Variants in FAIM2 observed in about 807,000 individuals in gnomAD.
FAIM2 encodes the protein Fas apoptotic inhibitory molecule 2.
A neutral mutation model predicts 47.4 loss-of-function variants in FAIM2; 27 were observed. The ratio of observed to expected loss-of-function variants is 0.57; its 90% CI spans 0.42 to 0.78. The LOEUF (loss-of-function observed/expected upper bound fraction) is 0.78. Among genes scored for constraint, FAIM2 ranks in the 30% least tolerant of loss-of-function variants. The pLI, the probability that FAIM2 is intolerant of heterozygous loss-of-function variation, is 0.00. For missense variants in FAIM2, 311 were observed against 389.4 expected (o/e 0.80, Z 1.69); for synonymous variants, 156 against 159.3 (o/e 0.98, Z 0.16).
chr12:49,900,343 G>A (rs1023270744), intron 2 of FAIM2: 5 of 548,550 alleles, frequency 9.1e-6, no homozygotes, highest in Non-Finnish European at 1.4e-5. Flanking sequence ...AGAGGGGGAG[G>A]GGCTGCTGAG....
chr12:49,887,988 C>T lies in FAIM2; in HGVS notation c.748-549G>A, dbSNP rs1022009912. ...AGCACAGGCTGGAACAGCACCTCCC[C>T]ACTCTCTGCCCCCTGAGTCTTCCTC... On this transcript the variant is annotated intron_variant, in intron 10 of 11. Transcript: ENST00000320634. Among the ~76,000 whole-genome samples the T allele has an allele frequency of 6.6e-5, 10 of 152,304 alleles. No individual in the cohort carries two copies. The East Asian group carries it at 1.9e-3, about 29-fold the overall frequency.
chr12:49,880,507 A>T (rs56318352), intron 11 of FAIM2, among the ~76,000 whole-genome samples: 572 of 34,604 alleles, frequency 0.017, 1 homozygote, highest in African/African-American at 0.047. Context: ...TGTGTGTATG[A>T]GTGTGTATGT....
rs116578244 is a variant in FAIM2 at position 49,877,767 on chromosome 12, T to C, written c.802-7114A>G. On this transcript the variant is annotated intron_variant, in intron 11 of 11. Transcript: ENST00000320634. ...CTGTATATATACGTGTGTATGTGCG[T>C]ATGTATATGTGTGTGCATGTGTATA... is the stretch of plus-strand genomic sequence containing the variant. Among the ~76,000 whole-genome samples, 489 of 152,168 alleles carry C rather than the reference T, an allele frequency of 3.2e-3. 4 individuals carry two copies. The highest frequency in any genetic ancestry group is 0.011 in the African/African-American group (464 of 41,470).
intron 10 of FAIM2, 86 bp from the exon 11 acceptor site, chr12:49,887,525 G>A (rs137990093): frequency 3.3e-4 from 391 of 1,179,206 alleles, no homozygotes; most frequent in Non-Finnish European, 4.5e-4. Flanking sequence ...CCAGAGAATG[G>A]AGGACACGGG....
intron 5 of FAIM2, among the ~76,000 whole-genome samples, chr12:49,892,598 A>G (rs1337504077): frequency 1.3e-5 from 2 of 152,040 alleles, no homozygotes. Flanking sequence ...CTGGTTCCAC[A>G]TGACCCCTGG....
chr12:49,878,855 TG>T lies in FAIM2; in HGVS notation c.802-8203del. Among the ~76,000 whole-genome samples, 2 of 25,200 alleles carry T rather than the reference TG, an allele frequency of 7.9e-5. 1 individual carries two copies. Among genetic ancestry groups the T allele is most frequent in the Non-Finnish European group, 1.4e-4 (2 of 13,818 alleles). 16.5% of individuals were successfully genotyped at this position (25,200 alleles called of 152,430 possible). ...GTGTATGTGTGTGCATGTGTGTATGTGTGTGTCTGTGCATGTGAGTGTGTAT... is the reference window on the plus strand; with the variant it reads ...GTGTATGTGTGTGCATGTGTGTATGTTGTGTCTGTGCATGTGAGTGTGTAT... On this transcript the variant is annotated intron_variant, in intron 11 of 11. Coordinates refer to ENST00000320634, the MANE Select transcript of FAIM2 (RefSeq NM_012306.4).
chr12:49,872,372 G>GGGGAA (rs1387896963), intron 11 of FAIM2, among the ~76,000 whole-genome samples: 1 of 152,182 alleles, frequency 6.6e-6, no homozygotes, highest in African/African-American at 2.4e-5. Flanking sequence ...TGTGAAGAGT[G>GGGGAA]GGGAACTCGG....
At chr12:49,892,233 C>T (rs1946905141) in intron 5 of FAIM2, among the ~76,000 whole-genome samples, 1 of 152,208 alleles carries the variant, frequency 6.6e-6, no homozygotes. Flanking sequence ...TCCCTCCTCC[C>T]GTCCCAGGCC....
chr12:49,903,786 G>C lies in FAIM2; in HGVS notation c.7C>G (p.Gln3Glu). The C allele has an allele frequency of 6.5e-7, 1 of 1,547,618 alleles. No homozygotes were observed. Among genetic ancestry groups the C allele is most frequent in the Non-Finnish European group, 8.7e-7 (1 of 1,145,356 alleles). The stretch of plus-strand genomic sequence containing the variant: ...TGGGGAGATGCCGGTACCTTTCCCT[G>C]GGTCATGGTGCCGTCTCTCGGGGAA... MT[Q>E]GKLSVANKAP... is the part of the protein sequence containing the mutation. Residue 3 changes from glutamine (Q) to glutamate (E), a missense_variant, in exon 1 of 12, where the codon CAG (glutamine) becomes GAG (glutamate). Coordinates refer to ENST00000320634, the MANE Select transcript of FAIM2 (RefSeq NM_012306.4).
In FAIM2 at chr12:49,902,557, GT is replaced by G. The variant is rs563607910; in HGVS notation, c.15+1220del. On this transcript the variant is annotated intron_variant, in intron 1 of 11. Coordinates refer to ENST00000320634, the MANE Select transcript of FAIM2 (RefSeq NM_012306.4). ...GGGACAAGGGGCAGAGGAGGCAGAGGTCCCCCTCACACCAGGAAGGGAACAG... is the reference window on the plus strand; with the variant it reads ...GGGACAAGGGGCAGAGGAGGCAGAGGCCCCCTCACACCAGGAAGGGAACAG... 1.3e-3 allele frequency among the ~76,000 whole-genome samples: 196 copies of G among 152,252 alleles called. 2 individuals are homozygous for G. Among genetic ancestry groups the G allele is most frequent in the African/African-American group, 4.5e-3 (189 of 41,542 alleles).
chr12:49,888,644 G>A (rs530660473), intron 10 of FAIM2, among the ~76,000 whole-genome samples: 117 of 152,218 alleles, frequency 7.7e-4, no homozygotes, highest in African/African-American at 2.6e-3. Flanking sequence ...TAAGGATGTG[G>A]GTATACTCCG....
intron 2 of FAIM2, among the ~76,000 whole-genome samples, chr12:49,899,482 C>T (rs1946966235): frequency 6.6e-6 from 1 of 152,196 alleles, no homozygotes; most frequent in Admixed American, 6.5e-5. Context: ...TCCAGCCCCG[C>T]TATACATTCC....
In FAIM2 at chr12:49,893,718, A is replaced by G. The variant is rs114298685; in HGVS notation, c.435-2604T>C. Among the ~76,000 whole-genome samples the G allele has an allele frequency of 4.7e-3, 720 of 152,306 alleles. 3 individuals carry two copies. Among genetic ancestry groups the G allele is most frequent in the African/African-American group, 0.016 (670 of 41,572 alleles). ...TCAAATAATGAGGAACTGTTGTCAC[A>G]GTGACTGGAGGGCTCTTCTGGTAGT... On this transcript the variant is annotated intron_variant, in intron 5 of 11. Transcript: ENST00000320634.
At chr12:49,889,605 A>AGG in intron 8 of FAIM2, 37 bp from the exon 9 acceptor site, 1 of 1,570,858 alleles carries the variant, frequency 6.4e-7, no homozygotes, top group Non-Finnish European at 8.8e-7. Flanking sequence ...GCTCTCAGGC[A>AGG]GGGCATCTGG....
chr12:49,897,767 C>CCA (rs1946949130), intron 3 of FAIM2, among the ~76,000 whole-genome samples, 184 bp from the exon 4 acceptor site: 1 of 151,868 alleles, frequency 6.6e-6, no homozygotes, highest in Non-Finnish European at 1.5e-5. Flanking sequence ...CAAGCGCACC[C>CCA]CCCCCCAGCA....
chr12:49,873,798 C>G (rs764472486), intron 11 of FAIM2, among the ~76,000 whole-genome samples: 1 of 152,228 alleles, frequency 6.6e-6, no homozygotes, highest in Non-Finnish European at 1.5e-5. Flanking sequence ...AATTTCAACC[C>G]CACTGACCAG....
chr12:49,889,360 C>T (rs1462403227), intron 9 of FAIM2, 121 bp downstream of exon 9: 2 of 1,048,096 alleles, frequency 1.9e-6, no homozygotes, highest in African/African-American at 1.6e-5. Flanking sequence ...TCCCCAAACC[C>T]AACTCACCCC....
At chr12:49,889,051 G>T in intron 10 of FAIM2, 56 bp downstream of exon 10, 2 of 1,298,350 alleles carry the variant, frequency 1.5e-6, no homozygotes, top group Non-Finnish European at 1.1e-6. Context: ...ACGGCACCTT[G>T]GGCCAGTGGG....
chr12:49,885,149 G>A (rs1257173279), intron 11 of FAIM2, among the ~76,000 whole-genome samples: 1 of 152,182 alleles, frequency 6.6e-6, no homozygotes, highest in South Asian at 2.1e-4. Flanking sequence ...AGAGGATGGG[G>A]ACTATTGTTA....
Sources: allele counts gnomAD v4.1 joint callset (sites outside exome capture counted in the v4.1 genomes callset), GRCh38; gene constraint gnomAD v4.1.1; transcripts MANE v1.5; gene names NCBI Gene and HGNC (gene_info 2026-07-23, HGNC 2026-07-21).